The following ERMP1 variants were observed in gnomAD, a reference collection of about 807,000 sequenced individuals.
ERMP1 encodes endoplasmic reticulum metallopeptidase 1.
A neutral mutation model predicts 92.0 loss-of-function variants in ERMP1; 86 were observed. The ratio of observed to expected loss-of-function variants is 0.93; its 90% CI spans 0.79 to 1.12. The LOEUF (loss-of-function observed/expected upper bound fraction) is 1.12, where lower values mean the gene tolerates loss of function less well. Among genes scored for constraint, ERMP1 ranks in the 50% most tolerant of loss-of-function variants. The probability of loss-of-function intolerance (pLI) is 0.00; values close to 1 mark genes in which losing one functional copy is unlikely to be tolerated. For synonymous variants in ERMP1, 530 were observed against 412.8 expected (o/e 1.28, Z -3.44); for missense variants, 1,342 against 1,116.3 (o/e 1.20, Z -2.88).
At chr9:5,819,948 CAACT>C (rs749528173) in intron 4 of ERMP1, among the ~76,000 whole-genome samples, 2 of 152,042 alleles carry the variant, frequency 1.3e-5, no homozygotes, top group Non-Finnish European at 1.5e-5. Context: ...GATGATTGCA[CAACT>C]AAGAATTATA....
At chr9:5,793,610 C>T (rs1376146481) in intron 13 of ERMP1, among the ~76,000 whole-genome samples, 2 of 152,150 alleles carry the variant, frequency 1.3e-5, no homozygotes, top group African/African-American at 2.4e-5. Context: ...GAACATTATA[C>T]CATGCTAACA....
intron 13 of ERMP1, among the ~76,000 whole-genome samples, chr9:5,791,075 A>G (rs1280371874): frequency 3.3e-5 from 5 of 151,794 alleles, no homozygotes; most frequent in Non-Finnish European, 5.9e-5. Context: ...TATCAGGGGA[A>G]GAGTACTCAG....
chr9:5,866,265 G>T (rs768923925), intron 5 of ERMP1, among the ~76,000 whole-genome samples: 1 of 152,084 alleles, frequency 6.6e-6, no homozygotes, highest in Non-Finnish European at 1.5e-5. Flanking sequence ...TTTCTAGATC[G>T]AACAGGATAT....
At chr9:5,857,290 G>C (rs144969554) in intron 6 of ERMP1, among the ~76,000 whole-genome samples, 49 of 152,260 alleles carry the variant, frequency 3.2e-4, no homozygotes, top group African/African-American at 1.1e-3. Context: ...CCAAAGTGCT[G>C]GGATTACAGG....
At chr9:5,829,619 G>C (rs1829863936) in intron 2 of ERMP1, among the ~76,000 whole-genome samples, 1 of 152,188 alleles carries the variant, frequency 6.6e-6, no homozygotes, top group African/African-American at 2.4e-5. Flanking sequence ...GAGAAACTAA[G>C]AAGTTAAGCA....
At chr9:5,824,106 G>C in intron 3 of ERMP1, 105 bp from the exon 4 acceptor site, 2 of 800,516 alleles carry the variant, frequency 2.5e-6, no homozygotes, top group Middle Eastern at 2.3e-4. Flanking sequence ...TAAGGAATAT[G>C]AAAACAAAAT....
intron 8 of ERMP1, among the ~76,000 whole-genome samples, 162 bp from the exon 9 acceptor site, chr9:5,805,947 C>G (rs1163866720): frequency 6.6e-6 from 1 of 152,164 alleles, no homozygotes; most frequent in Non-Finnish European, 1.5e-5. Context: ...AAGCTACCTC[C>G]CCCATCATGA....
chr9:5,830,722 C>A lies in ERMP1; in HGVS notation c.640+5G>T. The A allele has an allele frequency of 1.9e-6, 3 of 1,604,534 alleles. No homozygotes were observed. Among genetic ancestry groups the A allele is most frequent in the South Asian group, 2.2e-5 (2 of 90,070 alleles). On this transcript the variant is annotated splice_donor_5th_base_variant and intron_variant, in intron 2 of 14. Transcript: ENST00000339450. ...GTTCCAAATGACTAAAAAACAGGTA[C>A]ATACCTGGTGAGTTTGCTACTGAGT...
chr9:5,837,039 A>G (rs1182835169), upstream of ERMP1, among the ~76,000 whole-genome samples: 1 of 152,144 alleles, frequency 6.6e-6, no homozygotes, highest in African/African-American at 2.4e-5. Flanking sequence ...TGAAGCCACT[A>G]TGTCAGTTTA....
chr9:5,862,012 A>T (rs576863515), intron 5 of ERMP1, among the ~76,000 whole-genome samples: 150 of 151,486 alleles, frequency 9.9e-4, no homozygotes, highest in Middle Eastern at 3.4e-3. Flanking sequence ...TTTTTTTTTT[A>T]AAAAAAGTAT....
chr9:5,825,251 G>C, intron 2 of ERMP1, 32 bp from the exon 3 acceptor site: 3 of 1,598,216 alleles, frequency 1.9e-6, no homozygotes, highest in Non-Finnish European at 2.6e-6. Flanking sequence ...TTGCTGCTCA[G>C]ATTTTAAAAT....
intron 4 of ERMP1, among the ~76,000 whole-genome samples, chr9:5,822,090 C>CA (rs933297836): frequency 6.6e-5 from 10 of 151,874 alleles, no homozygotes; most frequent in East Asian, 3.9e-4. Context: ...CCCATCTCTA[C>CA]AAAAAAAGGA....
chr9:5,861,168 GGGGTGTGT>G (rs1288154309), intron 5 of ERMP1, among the ~76,000 whole-genome samples: 55 of 117,630 alleles, frequency 4.7e-4, no homozygotes, highest in Middle Eastern at 6.1e-3. Context: ...AATGGCTTAG[GGGGTGTGT>G]GTGTGTGTGT....
chr9:5,816,832 G>A (rs919457887), intron 4 of ERMP1, among the ~76,000 whole-genome samples: 1 of 151,920 alleles, frequency 6.6e-6, no homozygotes, highest in Non-Finnish European at 1.5e-5. Flanking sequence ...AAGGTTCCAC[G>A]TGTAGAATGT....
intron 12 of ERMP1, among the ~76,000 whole-genome samples, 161 bp from the exon 13 acceptor site, chr9:5,798,093 A>C (rs1458313002): frequency 6.6e-6 from 1 of 152,228 alleles, no homozygotes; most frequent in Non-Finnish European, 1.5e-5. Flanking sequence ...GTTATTTTGT[A>C]ATAAAACCTT....
chr9:5,818,528 C>CT (rs1563764809), intron 4 of ERMP1, among the ~76,000 whole-genome samples: 31 of 152,182 alleles, frequency 2.0e-4, no homozygotes, highest in African/African-American at 7.0e-4. Flanking sequence ...CCAGCCTGGG[C>CT]AACACAGTGA....
chr9:5,802,532 G>C (rs1828710826), intron 10 of ERMP1, among the ~76,000 whole-genome samples: 1 of 152,080 alleles, frequency 6.6e-6, no homozygotes, highest in Non-Finnish European at 1.5e-5. Flanking sequence ...TTACAAGTGT[G>C]CACCACCGTG....
At chr9:5,831,049 A>T in intron 1 of ERMP1, 21 bp from the exon 2 acceptor site, 1 of 1,591,984 alleles carries the variant, frequency 6.3e-7, no homozygotes, top group Non-Finnish European at 8.6e-7. Flanking sequence ...CCAAAAGAAT[A>T]ACAAAGGTTT....
chr9:5,834,527 T>A (rs1312522634), upstream of ERMP1, among the ~76,000 whole-genome samples: 1 of 152,074 alleles, frequency 6.6e-6, no homozygotes, highest in African/African-American at 2.4e-5. Context: ...AATGAAAAAA[T>A]GAAAACATAC....
Sources: allele counts gnomAD v4.1 joint callset (sites outside exome capture counted in the v4.1 genomes callset), GRCh38; gene constraint gnomAD v4.1.1; transcripts MANE v1.5; gene names NCBI Gene and HGNC (gene_info 2026-07-23, HGNC 2026-07-21).